ADAMTS9: variants seen among roughly 807,000 people sequenced by gnomAD.
ADAMTS9 encodes A disintegrin and metalloproteinase with thrombospondin motifs 9.
A neutral mutation model predicts 257.1 loss-of-function variants in ADAMTS9; 107 were observed. The ratio of observed to expected loss-of-function variants is 0.42; its 90% CI spans 0.36 to 0.49. The LOEUF is 0.49. ADAMTS9 is among the 20% of genes least tolerant of loss of function. ADAMTS9 has a pLI of 0.03. For synonymous variants in ADAMTS9, 982 were observed against 880.9 expected (o/e 1.11, Z -2.03); for missense variants, 2,353 against 2,469.1 (o/e 0.95, Z 1.00).
At chr3:64,647,337 G>C (rs1700823261) in intron 11 of ADAMTS9, among the ~76,000 whole-genome samples, 1 of 152,044 alleles carries the variant, frequency 6.6e-6, no homozygotes, top group African/African-American at 2.4e-5. Context: ...ATACTCCTAG[G>C]TGCATGAGAC....
At chr3:64,517,422 T>G (rs1274173969) in intron 39 of ADAMTS9, among the ~76,000 whole-genome samples, 2 of 122,878 alleles carry the variant, frequency 1.6e-5, no homozygotes, top group African/African-American at 2.9e-5. Flanking sequence ...AATGGTTTTT[T>G]TTTTTTTTTT....
intron 3 of ADAMTS9, among the ~76,000 whole-genome samples, chr3:64,667,844 A>G (rs1033699256): frequency 6.6e-6 from 1 of 152,214 alleles, no homozygotes; most frequent in Non-Finnish European, 1.5e-5. Flanking sequence ...TATGGTAGGA[A>G]CTATTACCTT....
intron 16 of ADAMTS9, among the ~76,000 whole-genome samples, chr3:64,625,512 GA>G (rs1435237475): frequency 6.6e-6 from 1 of 152,164 alleles, no homozygotes; most frequent in African/African-American, 2.4e-5. Flanking sequence ...AATTTTCATA[GA>G]CATGGGAACC....
chr3:64,648,044 T>C lies in ADAMTS9; in HGVS notation c.1606A>G (p.Met536Val). 6.2e-7 allele frequency: 1 copy of C among 1,606,684 alleles called. No individual in the cohort carries two copies. The highest frequency in any genetic ancestry group is 8.5e-7 in the Non-Finnish European group (1 of 1,178,118). The change falls in exon 11 of 40, where the codon ATG (methionine) becomes GTG (valine). Residue 536 changes from methionine (M) to valine (V), a missense_variant and splice_region_variant. By Grantham distance (21) the Met-to-Val change is conservative (BLOSUM62 1). Around this residue, in one of 3 missense-constraint regions of ADAMTS9, gnomAD observed 360 missense variants for 458.1 expected, o/e 0.79. Coordinates refer to ENST00000498707, the MANE Select transcript of ADAMTS9 (RefSeq NM_182920.2). ...TTGCACCAGAGCCGTCTGCACTGCATCTGCTCAATTCAATGAAATGGCAAT... is the reference window on the plus strand; with the variant it reads ...TTGCACCAGAGCCGTCTGCACTGCACCTGCTCAATTCAATGAAATGGCAAT... ...GPGSQVCPYMMQCRRLWCNNV... is the reference protein window; with the variant it reads ...GPGSQVCPYMVQCRRLWCNNV...
intron 25 of ADAMTS9, among the ~76,000 whole-genome samples, chr3:64,602,789 T>C (rs2084489019): frequency 6.6e-6 from 1 of 152,226 alleles, no homozygotes; most frequent in Admixed American, 6.5e-5. Flanking sequence ...CTTCTCCTCT[T>C]GACCTCTTTC....
chr3:64,542,430 C>CTTTCTTTTTTT (rs56347750), intron 32 of ADAMTS9, among the ~76,000 whole-genome samples: 1 of 124,564 alleles, frequency 8.0e-6, no homozygotes, highest in Non-Finnish European at 1.6e-5. Flanking sequence ...TTCTTTCTTT[C>CTTTCTTTTTTT]TTTTTTTTTT....
intron 36 of ADAMTS9, among the ~76,000 whole-genome samples, chr3:64,540,503 C>T (rs2106909145): frequency 6.6e-6 from 1 of 152,280 alleles, no homozygotes; most frequent in East Asian, 1.9e-4. Context: ...TTCTTCTGCA[C>T]ATTGACGACT....
intron 30 of ADAMTS9, among the ~76,000 whole-genome samples, chr3:64,552,911 C>A (rs1202940195): frequency 6.6e-6 from 1 of 152,168 alleles, no homozygotes; most frequent in Admixed American, 6.5e-5. Flanking sequence ...GAACTACAGA[C>A]CCCACCTCTC....
At chr3:64,650,373 T>G (rs1700902553) in intron 9 of ADAMTS9, 2 of 152,656 alleles carry the variant, frequency 1.3e-5, no homozygotes, top group African/African-American at 4.8e-5. Flanking sequence ...GGACAATCAC[T>G]TAACCTTTCA....
intron 39 of ADAMTS9, among the ~76,000 whole-genome samples, chr3:64,519,753 A>G (rs1000281949): frequency 1.3e-5 from 2 of 152,214 alleles, no homozygotes; most frequent in African/African-American, 4.8e-5. Context: ...ACATCCCTTC[A>G]TGATAAAAAC....
chr3:64,561,321 G>GTTTT lies in ADAMTS9; in HGVS notation c.4698+253_4698+256dup, dbSNP rs34071104. The GTTTT allele has an allele frequency of 7.7e-4, 159 of 206,628 alleles. 1 individual carries two copies. Among genetic ancestry groups the GTTTT allele is most frequent in the East Asian group, 6.7e-3 (59 of 8,746 alleles). 12.8% of individuals were successfully genotyped at this position (206,628 alleles called of 1,614,324 possible). On this transcript the variant is annotated intron_variant, in intron 30 of 39. Coordinates refer to ENST00000498707, the MANE Select transcript of ADAMTS9 (RefSeq NM_182920.2). ...TGCATTCGGCCCACAGCCTGTTAAA[G>GTTTT]TTTTTTTTTTTTTTTTTGAGGCGGC...
At chr3:64,654,167 T>G (rs1700999849) in intron 8 of ADAMTS9, among the ~76,000 whole-genome samples, 186 bp downstream of exon 8, 1 of 152,212 alleles carries the variant, frequency 6.6e-6, no homozygotes, top group Non-Finnish European at 1.5e-5. Flanking sequence ...GTGCACTGCA[T>G]TTACTCAACT....
At chr3:64,647,489 G>A (rs1197015762) in intron 11 of ADAMTS9, among the ~76,000 whole-genome samples, 3 of 152,188 alleles carry the variant, frequency 2.0e-5, no homozygotes, top group South Asian at 4.1e-4. Context: ...AACAACACCG[G>A]TTGGCAAAAG....
In ADAMTS9 at chr3:64,686,986, G is replaced by T. The variant is rs1445500946; in HGVS notation, c.116-18C>A. 6.2e-7 allele frequency: 1 copy of T among 1,605,342 alleles called. No individual in the cohort carries two copies. The highest frequency in any genetic ancestry group is 2.2e-5 in the East Asian group (1 of 44,780). On this transcript the variant is annotated intron_variant, in intron 1 of 39. Coordinates refer to ENST00000498707, the MANE Select transcript of ADAMTS9 (RefSeq NM_182920.2). The surrounding 1 kb of genome is among the most constrained non-coding windows in gnomAD (Gnocchi z 4.6). ...TAATTTCACTGCGGAGAGAAGCAGA[G>T]GTATATGAACCAATAATTCATTTTT...
chr3:64,525,229 C>T (rs1455490088), intron 38 of ADAMTS9, among the ~76,000 whole-genome samples: 1 of 152,176 alleles, frequency 6.6e-6, no homozygotes, highest in Non-Finnish European at 1.5e-5. Flanking sequence ...AAGCTGAATT[C>T]TTCTTTTGGA....
chr3:64,650,709 A>C (rs926743467), intron 9 of ADAMTS9: 3 of 264,176 alleles, frequency 1.1e-5, no homozygotes, highest in Admixed American at 5.8e-5. Context: ...AAGAAATCAC[A>C]TTCATAGTCC....
In ADAMTS9 at chr3:64,613,406, G is replaced by T. The variant is rs772991594; in HGVS notation, c.3293C>A (p.Thr1098Lys). The change falls in exon 22 of 40, where the codon ACA becomes AAA. Residue 1098 changes from threonine (T) to lysine (K), a missense_variant. Thr to Lys is a moderately conservative substitution (Grantham distance 78). Around this residue, in one of 3 missense-constraint regions of ADAMTS9, gnomAD observed 1,402 missense variants for 1,441.4 expected, o/e 0.97. Coordinates refer to ENST00000498707, the MANE Select transcript of ADAMTS9 (RefSeq NM_182920.2). ...DRMCDPETKPTSMQTCQQPEC... is the reference protein window; with the variant it reads ...DRMCDPETKPKSMQTCQQPEC... ...CGGCTGCTGACAAGTCTGCATAGAT[G>T]TTGGCTTGGTCTCAGGGTCACACAT... 1 of 1,614,048 alleles carries T rather than the reference G, an allele frequency of 6.2e-7. No homozygotes were observed. The highest frequency in any genetic ancestry group is 1.1e-5 in the South Asian group (1 of 91,076).
chr3:64,622,646 T>C, intron 16 of ADAMTS9, 60 bp from the exon 17 acceptor site: 1 of 1,571,888 alleles, frequency 6.4e-7, no homozygotes, highest in Non-Finnish European at 8.7e-7. Flanking sequence ...CTGTTTGAAA[T>C]ATGAAGTAAC....
In ADAMTS9 at chr3:64,658,584, T is replaced by A; in HGVS notation, c.887A>T (p.Glu296Val). 1 of 1,614,202 alleles carries A rather than the reference T, an allele frequency of 6.2e-7. No homozygotes were observed. Among genetic ancestry groups the A allele is most frequent in the Non-Finnish European group, 8.5e-7 (1 of 1,180,032 alleles). Reference sequence around the variant, plus strand: ...TCTGTTGTCTGCCACCACCAAGACTTCTACAAACCGTGGATAGGATAAAAA... The same window carrying A: ...TCTGTTGTCTGCCACCACCAAGACTACTACAAACCGTGGATAGGATAAAAA... ...KRFLSYPRFV[E>V]VLVVADNRMV... is the part of the protein sequence containing the mutation. The change falls in exon 4 of 40, where the codon GAA becomes GTA. Residue 296 changes from glutamate to valine, a missense_variant. Physicochemically the swap from Glu to Val is moderately radical, Grantham distance 121. Around this residue, in one of 3 missense-constraint regions of ADAMTS9, gnomAD observed 591 missense variants for 569.6 expected, o/e 1.04. Coordinates refer to ENST00000498707, the MANE Select transcript of ADAMTS9 (RefSeq NM_182920.2).
Sources: gnomAD v4.1 joint callset for allele counts (sites outside exome capture counted in the v4.1 genomes callset) on GRCh38, gnomAD v4.1.1 for gene constraint, gnomAD v4.1.1 regional missense constraint, Gnocchi (gnomAD v3.1) non-coding constraint, MANE v1.5 for transcripts, NCBI Gene and HGNC (gene_info 2026-07-23, HGNC 2026-07-21) for gene names.